Variants in ZNF100 observed in about 807,000 individuals in gnomAD.
The protein encoded by ZNF100 is zinc finger protein 100, also known as zinc finger protein 100 (Y1).
A neutral mutation model predicts 15.8 loss-of-function variants in ZNF100; 12 were observed. That is an observed-to-expected ratio of 0.76 (90% confidence interval 0.49 to 1.23). The LOEUF is 1.23. Among genes scored for constraint, ZNF100 ranks in the 50% most tolerant of loss-of-function variants. The probability of loss-of-function intolerance (pLI) is 0.00; values close to 1 mark genes in which losing one functional copy is unlikely to be tolerated. For missense variants in ZNF100, 670 were observed against 635.6 expected (o/e 1.05, Z -0.58); for synonymous variants, 226 against 214.8 (o/e 1.05, Z -0.45).
intron 2 of ZNF100, among the ~76,000 whole-genome samples, chr19:21,762,091 T>A (rs1156607515): frequency 6.6e-6 from 1 of 151,994 alleles, no homozygotes; most frequent in Non-Finnish European, 1.5e-5. Flanking sequence ...GGCAGGAGAA[T>A]CACTTGAACT....
chr19:21,751,585 T>C, intron 2 of ZNF100: 2 of 1,512,660 alleles, frequency 1.3e-6, no homozygotes, highest in African/African-American at 2.7e-5. Context: ...AGGTTTGGGA[T>C]GATCAGGCTG....
chr19:21,760,748 TTTC>T (rs1199737016), intron 2 of ZNF100, among the ~76,000 whole-genome samples: 9 of 118,536 alleles, frequency 7.6e-5, no homozygotes, highest in African/African-American at 2.9e-4. Flanking sequence ...GAGGAAGAAC[TTTC>T]TTGTTTTTTT....
rs767156995 is a variant in ZNF100 at position 21,765,779 on chromosome 19, G to A, written c.11C>T (p.Pro4Leu). MDD[P>L]RYGMCPLKGA... ...CTTGAGAGGACACATTCCATACCTC[G>A]GGTCATCCTACGGGAGAAAATAAAC... Residue 4 changes from proline to leucine, a missense_variant, in exon 2 of 5, where the codon CCG becomes CTG. By Grantham distance (98) the Pro-to-Leu change is moderately conservative. Coordinates refer to ENST00000358296, the MANE Select transcript of ZNF100 (RefSeq NM_173531.4). 32 of 1,613,910 alleles carry A rather than the reference G, an allele frequency of 2.0e-5. No homozygotes were observed. The highest frequency in any genetic ancestry group is 4.4e-5 in the South Asian group (4 of 91,070).
chr19:21,747,424 C>T (rs530155324), intron 2 of ZNF100, among the ~76,000 whole-genome samples: 1 of 152,314 alleles, frequency 6.6e-6, no homozygotes, highest in South Asian at 2.1e-4. Flanking sequence ...CTAAGCATTG[C>T]CTCTCAAGCT....
At chr19:21,748,434 C>T (rs983027918) in intron 2 of ZNF100, among the ~76,000 whole-genome samples, 5 of 152,146 alleles carry the variant, frequency 3.3e-5, no homozygotes, top group African/African-American at 1.2e-4. Context: ...TCTGTTTTTC[C>T]TAAGCTTACC....
At chr19:21,759,959 G>A (rs1472483501) in intron 2 of ZNF100, among the ~76,000 whole-genome samples, 1 of 152,112 alleles carries the variant, frequency 6.6e-6, no homozygotes, top group South Asian at 2.1e-4. Flanking sequence ...GAGATGGGTG[G>A]ATCACCTGAG....
At chr19:21,759,572 A>ATGAGACTG (rs1303569349) in intron 2 of ZNF100, among the ~76,000 whole-genome samples, 1 of 152,190 alleles carries the variant, frequency 6.6e-6, no homozygotes, top group East Asian at 1.9e-4. Context: ...AAGTCACAAG[A>ATGAGACTG]TGAGACTGGA....
intron 3 of ZNF100, among the ~76,000 whole-genome samples, chr19:21,744,605 C>G (rs982715236): frequency 1.3e-5 from 2 of 151,846 alleles, no homozygotes; most frequent in Admixed American, 6.6e-5. Flanking sequence ...CTCCTGACCT[C>G]GTGACCCGCC....
chr19:21,738,112 G>A (rs2036040372), intron 4 of ZNF100, among the ~76,000 whole-genome samples: 1 of 151,754 alleles, frequency 6.6e-6, no homozygotes, highest in Admixed American at 6.6e-5. Context: ...TTATCTGGGT[G>A]TGGTAGCGCA....
At chr19:21,740,949 G>A (rs1394720003) in intron 4 of ZNF100, among the ~76,000 whole-genome samples, 1 of 152,026 alleles carries the variant, frequency 6.6e-6, no homozygotes, top group East Asian at 1.9e-4. Flanking sequence ...AGACCTAGAA[G>A]ACATATTTGA....
chr19:21,757,236 C>G (rs1285193472), intron 2 of ZNF100, among the ~76,000 whole-genome samples: 1 of 152,120 alleles, frequency 6.6e-6, no homozygotes, highest in South Asian at 2.1e-4. Flanking sequence ...TCAGGAGTTT[C>G]AGGCCAGCCT....
intron 4 of ZNF100, among the ~76,000 whole-genome samples, chr19:21,736,036 C>T (rs1204461375): frequency 2.6e-5 from 4 of 152,116 alleles, no homozygotes; most frequent in Non-Finnish European, 5.9e-5. Flanking sequence ...GATCTGTCAG[C>T]CTCAGCCTCC....
Position 21,727,219 on chromosome 19 carries a change from T to C in ZNF100, c.1093A>G (p.Ile365Val), listed in dbSNP as rs1425961182. The C allele has an allele frequency of 1.2e-6, 2 of 1,613,748 alleles. No homozygotes were observed. Among genetic ancestry groups the C allele is most frequent in the Admixed American group, 1.7e-5 (1 of 60,014 alleles). Residue 365 changes from isoleucine (I) to valine (V), a missense_variant, in exon 5 of 5, where the codon ATA (isoleucine) becomes GTA (valine). By Grantham distance (29) the Ile-to-Val change is conservative (BLOSUM62 3). Coordinates refer to ENST00000358296, the MANE Select transcript of ZNF100 (RefSeq NM_173531.4). ...TAAGGTTTCTCTCCAGCATGAGTTA[T>C]CTTATGTGTAGTAAGGGTTGAGGAC... The part of the protein sequence containing the change: ...NQSSTLTTHK[I>V]THAGEKPYKC...
intron 4 of ZNF100, among the ~76,000 whole-genome samples, chr19:21,732,640 T>A (rs2145693192): frequency 6.7e-6 from 1 of 149,348 alleles, no homozygotes; most frequent in East Asian, 1.9e-4. Context: ...ATATATATAA[T>A]ATATGTAAAA....
chr19:21,767,536 TGA>T lies in ZNF100; in HGVS notation c.-109_-108del. On this transcript the variant is annotated 5_prime_UTR_variant, in exon 1 of 5. Transcript: ENST00000358296. ...CCTAGGAGCAGAAGACACAGAGAAG[TGA>T]GAGCAAAACCTGGAGCTCCGGCTAC... The T allele has an allele frequency of 6.6e-7, 1 of 1,508,078 alleles. No individual in the cohort carries two copies. Among genetic ancestry groups the T allele is most frequent in the Non-Finnish European group, 9.0e-7 (1 of 1,111,546 alleles). The allele number at this position is 1,508,078 out of a possible 1,614,324, so 93.4% of individuals were successfully genotyped here.
chr19:21,743,692 TC>T (rs1344311859), intron 4 of ZNF100, among the ~76,000 whole-genome samples: 1 of 151,814 alleles, frequency 6.6e-6, no homozygotes, highest in Non-Finnish European at 1.5e-5. Context: ...TATCTGTGTG[TC>T]CCCCCAAATA....
rs1219546461 is a variant in ZNF100 at position 21,752,799 on chromosome 19, T to C, written c.97-7732A>G. On this transcript the variant is annotated intron_variant, in intron 2 of 4. Coordinates refer to ENST00000358296, the MANE Select transcript of ZNF100 (RefSeq NM_173531.4). ...TACTGCAGCAGGAGTATAAATGCTA[T>C]AAACCTTTGAAAAACATCATTTGAG... 3.9e-5 allele frequency: 6 copies of C among 152,368 alleles called. No homozygotes were observed. The East Asian group carries it at 9.6e-4, about 24-fold the overall frequency. The allele number at this position is 152,368 out of a possible 1,614,324, so 9.4% of individuals were successfully genotyped here.
intron 2 of ZNF100, among the ~76,000 whole-genome samples, chr19:21,760,095 T>C (rs554776285): frequency 1.7e-4 from 25 of 151,024 alleles, no homozygotes; most frequent in Admixed American, 6.0e-4. Context: ...GGCAGGAGAA[T>C]TGCTTGAACC....
At chr19:21,744,242 G>T in intron 3 of ZNF100, 127 bp from the exon 4 acceptor site, 1 of 830,710 alleles carries the variant, frequency 1.2e-6, no homozygotes, top group Non-Finnish European at 1.6e-6. Flanking sequence ...ATTAATGAGA[G>T]AAATTTCTAA....
Sources: gnomAD v4.1 joint callset for allele counts (sites outside exome capture counted in the v4.1 genomes callset) on GRCh38, gnomAD v4.1.1 for gene constraint, MANE v1.5 for transcripts, NCBI Gene and HGNC (gene_info 2026-07-23, HGNC 2026-07-21) for gene names.